The following IHO1 variants were observed in gnomAD, a reference collection of about 807,000 sequenced individuals.
The protein encoded by IHO1 is interactor of HORMAD1 1.
Under a neutral mutation model 31.0 loss-of-function variants are expected in IHO1, and 13 were observed. The observed-to-expected ratio is 0.42, with a 90% CI of 0.27 to 0.67. The LOEUF is 0.67. Ranked by LOEUF, IHO1 falls within the 30% of genes least tolerant of loss-of-function variation. IHO1 has a pLI of 0.24. For synonymous variants in IHO1, 221 were observed against 248.4 expected (o/e 0.89, Z 1.04); for missense variants, 599 against 687.5 (o/e 0.87, Z 1.44).
At chr3:49,240,626 G>A (rs892737254) in intron 3 of IHO1, among the ~76,000 whole-genome samples, 16 of 152,206 alleles carry the variant, frequency 1.1e-4, no homozygotes, top group Non-Finnish European at 2.4e-4. Context: ...CAAACAAAGT[G>A]TTGGGAGTAC....
At chr3:49,249,405 G>A (rs1165122240) in intron 6 of IHO1, among the ~76,000 whole-genome samples, 2 of 151,812 alleles carry the variant, frequency 1.3e-5, no homozygotes, top group Non-Finnish European at 1.5e-5. Flanking sequence ...CAAGTAGCTG[G>A]GACTATAGGC....
At chr3:49,240,358 G>A (rs898086994) in intron 3 of IHO1, among the ~76,000 whole-genome samples, 1 of 152,162 alleles carries the variant, frequency 6.6e-6, no homozygotes, top group African/African-American at 2.4e-5. Flanking sequence ...TGAGTAGTTG[G>A]GATTACAGGC....
At chr3:49,224,883 A>G (rs2046400064) in intron 2 of IHO1, among the ~76,000 whole-genome samples, 1 of 152,212 alleles carries the variant, frequency 6.6e-6, no homozygotes, top group Non-Finnish European at 1.5e-5. Flanking sequence ...CATTCCCTCA[A>G]GGAGTAGCAC....
At chr3:49,250,701 T>C (rs2046749273) in intron 6 of IHO1, among the ~76,000 whole-genome samples, 2 of 152,210 alleles carry the variant, frequency 1.3e-5, no homozygotes, top group Admixed American at 6.5e-5. Flanking sequence ...ATTGAACTTG[T>C]ACCTGTGGTG....
In IHO1 at chr3:49,227,546, G is replaced by GT. The variant is rs565597950; in HGVS notation, c.57-9002_57-9001insT. Among the ~76,000 whole-genome samples, 801 of 152,224 alleles carry GT rather than the reference G, an allele frequency of 5.3e-3. 4 individuals carry two copies. Among genetic ancestry groups the GT allele is most frequent in the Middle Eastern group, 0.024 (7 of 294 alleles). ...AGGACTGAGGAAGATCAGATTTAGT[G>GT]GCCCTTACTGACACATTCTCGAAAA... On this transcript the variant is annotated intron_variant, in intron 2 of 7. Coordinates refer to ENST00000452691, the MANE Select transcript of IHO1 (RefSeq NM_001135197.2).
chr3:49,236,157 C>T (rs13317129), intron 2 of IHO1, among the ~76,000 whole-genome samples: 9 of 152,166 alleles, frequency 5.9e-5, no homozygotes, highest in South Asian at 2.1e-4. Flanking sequence ...TGCAGTGAGC[C>T]GAGATCATGC....
At chr3:49,228,843 AAGG>A (rs1256154712) in intron 2 of IHO1, among the ~76,000 whole-genome samples, 2 of 152,192 alleles carry the variant, frequency 1.3e-5, no homozygotes, top group Non-Finnish European at 2.9e-5. Context: ...CACAGTGTGG[AAGG>A]AGACCTGAGC....
intron 6 of IHO1, 89 bp from the exon 7 acceptor site, chr3:49,255,301 C>A: frequency 1.1e-6 from 1 of 886,312 alleles, no homozygotes; most frequent in Non-Finnish European, 1.7e-6. Context: ...CAGCTCCTCC[C>A]TTTTCACTGC....
At chr3:49,209,797 C>T (rs1469621353) in intron 1 of IHO1, among the ~76,000 whole-genome samples, 1 of 150,732 alleles carries the variant, frequency 6.6e-6, no homozygotes, top group Non-Finnish European at 1.5e-5. Context: ...TCACTGCAAG[C>T]TCTGCCTCCC....
At chr3:49,210,557 C>G (rs901807780) in intron 1 of IHO1, among the ~76,000 whole-genome samples, 2 of 151,956 alleles carry the variant, frequency 1.3e-5, no homozygotes, top group African/African-American at 4.8e-5. Context: ...CCACCACACC[C>G]AGCTAATTTT....
chr3:49,218,048 G>T (rs1186504404), intron 2 of IHO1, among the ~76,000 whole-genome samples: 2 of 152,166 alleles, frequency 1.3e-5, no homozygotes, highest in Non-Finnish European at 2.9e-5. Flanking sequence ...CTCATTAGCA[G>T]CTTACTCTCA....
intron 1 of IHO1, among the ~76,000 whole-genome samples, chr3:49,202,851 ATTTTTTTTTTT>A (rs71077774): frequency 2.2e-5 from 2 of 90,150 alleles, no homozygotes; most frequent in African/African-American, 8.9e-5. Flanking sequence ...AATTTTTTGT[ATTTTTTTTTTT>A]TTTTTTTTTT....
chr3:49,219,507 G>A (rs761137047), intron 2 of IHO1, among the ~76,000 whole-genome samples: 21 of 152,116 alleles, frequency 1.4e-4, no homozygotes, highest in Non-Finnish European at 2.4e-4. Context: ...TAAATATGTG[G>A]GTCAAACTCT....
chr3:49,195,748 A>G (rs1221344008), upstream of IHO1, among the ~76,000 whole-genome samples: 4 of 151,628 alleles, frequency 2.6e-5, no homozygotes, highest in African/African-American at 4.8e-5. Context: ...ATAAATAAAT[A>G]ATAAATAAAT....
chr3:49,215,882 C>T (rs572450563), intron 2 of IHO1, among the ~76,000 whole-genome samples: 12 of 152,160 alleles, frequency 7.9e-5, no homozygotes, highest in Admixed American at 3.9e-4. Flanking sequence ...CAAGCTTTAA[C>T]AGGAGAAGGG....
At chr3:49,194,292 G>GTGTATATATATATATATA (rs2045984478), upstream of IHO1, among the ~76,000 whole-genome samples, 1 of 120,186 alleles carries the variant, frequency 8.3e-6, no homozygotes, top group African/African-American at 3.3e-5. Flanking sequence ...AGTACAAAGT[G>GTGTATATATATATATATA]TATATATATA....
intron 6 of IHO1, among the ~76,000 whole-genome samples, chr3:49,250,315 A>G (rs1223465578): frequency 6.6e-6 from 1 of 152,204 alleles, no homozygotes; most frequent in African/African-American, 2.4e-5. Context: ...ATTTTTTTAA[A>G]AGAAAAAATA....
At chr3:49,251,776 A>G (rs2046763227) in intron 6 of IHO1, among the ~76,000 whole-genome samples, 1 of 150,188 alleles carries the variant, frequency 6.7e-6, no homozygotes, top group Admixed American at 6.6e-5. Context: ...TAATTTTTGT[A>G]TTTTTAGTAG....
At chr3:49,227,530 G>C (rs2107707791) in intron 2 of IHO1, among the ~76,000 whole-genome samples, 1 of 152,266 alleles carries the variant, frequency 6.6e-6, no homozygotes, top group South Asian at 2.1e-4. Flanking sequence ...GAGGACTGAG[G>C]AAGATCAGAT....
Sources: gnomAD v4.1 joint callset for allele counts (sites outside exome capture counted in the v4.1 genomes callset) on GRCh38, gnomAD v4.1.1 for gene constraint, MANE v1.5 for transcripts, NCBI Gene and HGNC (gene_info 2026-07-23, HGNC 2026-07-21) for gene names.